LRFN5: variants seen among roughly 807,000 people sequenced by gnomAD.
LRFN5 encodes the protein leucine-rich repeat and fibronectin type-III domain-containing protein 5.
Under a neutral mutation model 45.6 loss-of-function variants are expected in LRFN5, and 24 were observed. The ratio of observed to expected loss-of-function variants is 0.53; its 90% confidence interval spans 0.38 to 0.74. LRFN5 has a LOEUF of 0.74. Ranked by LOEUF, LRFN5 falls within the 30% of genes least tolerant of loss-of-function variation. The pLI is 0.00. For missense variants in LRFN5, 776 were observed against 861.5 expected, an observed-to-expected ratio of 0.90 and a Z score of 1.24; for synonymous variants, 340 against 313.8, an observed-to-expected ratio of 1.08 and a Z score of -0.88.
chr14:41,671,494 A>G (rs540058059), intron 1 of LRFN5, among the ~76,000 whole-genome samples: 1 of 152,018 alleles, frequency 6.6e-6, no homozygotes, highest in African/African-American at 2.4e-5. Context: ...ACTTTGAACA[A>G]TTCACCTCTT....
intron 2 of LRFN5, among the ~76,000 whole-genome samples, chr14:41,810,633 A>G (rs2138990401): frequency 6.6e-6 from 1 of 152,222 alleles, no homozygotes; most frequent in South Asian, 2.1e-4. Flanking sequence ...TCTGAGGTAG[A>G]GTGAAAATGA....
At chr14:41,889,445 G>A (rs931531562) in intron 3 of LRFN5, among the ~76,000 whole-genome samples, 1 of 151,996 alleles carries the variant, frequency 6.6e-6, no homozygotes, top group Non-Finnish European at 1.5e-5. Context: ...ATTTGCTCTT[G>A]TCATACCAGG....
At chr14:41,750,046 T>G (rs1471317274) in intron 1 of LRFN5, among the ~76,000 whole-genome samples, 4 of 152,018 alleles carry the variant, frequency 2.6e-5, no homozygotes, top group Non-Finnish European at 5.9e-5. Flanking sequence ...ATTTTCTGTT[T>G]GGCTTATTCA....
chr14:41,864,124 A>G (rs1420612394), intron 2 of LRFN5, among the ~76,000 whole-genome samples: 1 of 152,206 alleles, frequency 6.6e-6, no homozygotes, highest in Non-Finnish European at 1.5e-5. Flanking sequence ...ATAGTGCTAC[A>G]ATAAACACAC....
intron 1 of LRFN5, among the ~76,000 whole-genome samples, chr14:41,690,855 A>T (rs61990314): frequency 0.18 from 26,973 of 152,078 alleles, 2,995 homozygotes; most frequent in Non-Finnish European, 0.26. Flanking sequence ...AAACTTCGTA[A>T]GTTTTATTAT....
chr14:41,757,632 C>A (rs183876214), intron 1 of LRFN5, among the ~76,000 whole-genome samples: 2 of 152,254 alleles, frequency 1.3e-5, no homozygotes, highest in African/African-American at 4.8e-5. Context: ...TGGGAGTGAC[C>A]CAATTTTCCA....
chr14:41,781,586 A>AAGAAAGAAAGAAAG (rs1886500996), intron 2 of LRFN5, among the ~76,000 whole-genome samples: 1 of 101,826 alleles, frequency 9.8e-6, no homozygotes, highest in East Asian at 3.2e-4. Flanking sequence ...GAAAGAAAGA[A>AAGAAAGAAAGAAAG]AGAAAGAAAG....
intron 2 of LRFN5, among the ~76,000 whole-genome samples, chr14:41,797,842 A>T (rs1887185278): frequency 6.6e-6 from 1 of 151,734 alleles, no homozygotes. Context: ...TCTCTAATTT[A>T]CTCAGTGTAC....
intron 1 of LRFN5, among the ~76,000 whole-genome samples, chr14:41,753,541 G>A (rs1306527155): frequency 1.3e-5 from 2 of 152,000 alleles, no homozygotes; most frequent in Non-Finnish European, 2.9e-5. Flanking sequence ...GTGAATGGGA[G>A]TTCACTCATG....
At chr14:41,739,568 A>T (rs1304457381) in intron 1 of LRFN5, among the ~76,000 whole-genome samples, 1 of 152,082 alleles carries the variant, frequency 6.6e-6, no homozygotes, top group Non-Finnish European at 1.5e-5. Context: ...AGCAAAAACA[A>T]TCCTTAGAGG....
chr14:41,701,074 A>G (rs1162707403), intron 1 of LRFN5: 3 of 152,188 alleles, frequency 2.0e-5, no homozygotes, highest in African/African-American at 7.2e-5. Flanking sequence ...TTTCTTGGTA[A>G]CATATCTGAT....
intron 2 of LRFN5, among the ~76,000 whole-genome samples, chr14:41,846,235 A>ACACG (rs1889060414): frequency 6.7e-6 from 1 of 148,878 alleles, no homozygotes; most frequent in Admixed American, 6.7e-5. Flanking sequence ...ACACACACGC[A>ACACG]CACACACACT....
intron 1 of LRFN5, among the ~76,000 whole-genome samples, chr14:41,704,442 C>CTGTGTGTGTGTG (rs1190054164): frequency 0.011 from 1,462 of 127,696 alleles, 19 homozygotes; most frequent in Admixed American, 0.036. Flanking sequence ...CTCTCTCTCT[C>CTGTGTGTGTGTG]TCTCTCTGTG....
At chr14:41,816,003 C>T (rs1387878778) in intron 2 of LRFN5, among the ~76,000 whole-genome samples, 5 of 151,860 alleles carry the variant, frequency 3.3e-5, no homozygotes, top group African/African-American at 4.8e-5. Flanking sequence ...CTAGAGTGTG[C>T]GATATACTTT....
intron 2 of LRFN5, among the ~76,000 whole-genome samples, chr14:41,851,514 T>A (rs1426459984): frequency 6.6e-6 from 1 of 151,784 alleles, no homozygotes; most frequent in Non-Finnish European, 1.5e-5. Context: ...GAACCACAAT[T>A]CTTTGAAAAA....
intron 1 of LRFN5, among the ~76,000 whole-genome samples, chr14:41,765,467 T>A (rs1421663451): frequency 6.6e-6 from 1 of 152,114 alleles, no homozygotes; most frequent in Non-Finnish European, 1.5e-5. Flanking sequence ...TGAAAGAATG[T>A]TCTAAAATGT....
chr14:41,774,306 A>C (rs1186898804), intron 2 of LRFN5, among the ~76,000 whole-genome samples: 1 of 152,180 alleles, frequency 6.6e-6, no homozygotes, highest in Non-Finnish European at 1.5e-5. Flanking sequence ...ATACCACTAC[A>C]GACTACACTA....
intron 1 of LRFN5, among the ~76,000 whole-genome samples, chr14:41,665,548 T>A (rs886365990): frequency 6.6e-6 from 1 of 151,902 alleles, no homozygotes; most frequent in African/African-American, 2.4e-5. Context: ...ATAATTATCA[T>A]AGTTACAGCA....
intron 4 of LRFN5, chr14:41,894,190 A>T: frequency 1.0e-6 from 1 of 985,264 alleles, no homozygotes; most frequent in South Asian, 4.7e-5. Context: ...AAAGATAAGG[A>T]TGCTCTGAAA....
Sources: gnomAD v4.1 joint callset for allele counts (sites outside exome capture counted in the v4.1 genomes callset) on GRCh38, gnomAD v4.1.1 for gene constraint, MANE v1.5 for transcripts, NCBI Gene and HGNC (gene_info 2026-07-23, HGNC 2026-07-21) for gene names.